LARP1B: variants seen among roughly 807,000 people sequenced by gnomAD.
LARP1B encodes la-related protein 1B.
Under a neutral mutation model 114.2 loss-of-function variants are expected in LARP1B, and 76 were observed. The observed-to-expected ratio is 0.67, with a 90% CI of 0.55 to 0.81. The LOEUF (loss-of-function observed/expected upper bound fraction) is 0.81, where lower values mean the gene tolerates loss of function less well. LARP1B is among the 30% of genes least tolerant of loss of function. LARP1B has a pLI of 0.00. For missense variants in LARP1B, 1,014 were observed against 1,075.8 expected (o/e 0.94, Z 0.80); for synonymous variants, 345 against 348.0 (o/e 0.99, Z 0.10).
chr4:128,072,784 T>C (rs1023121428), intron 1 of LARP1B, among the ~76,000 whole-genome samples: 6 of 152,152 alleles, frequency 3.9e-5, no homozygotes, highest in African/African-American at 1.4e-4. Flanking sequence ...CTTGAACTCC[T>C]GGCCTCAAGA....
At chr4:128,144,970 A>G (rs940679706) in intron 11 of LARP1B, among the ~76,000 whole-genome samples, 1 of 151,352 alleles carries the variant, frequency 6.6e-6, no homozygotes, top group African/African-American at 2.5e-5. Flanking sequence ...TACCTTGACT[A>G]TGGGTTACAT....
chr4:128,107,280 T>C lies in LARP1B; in HGVS notation c.955T>C (p.Phe319Leu). ...DFSQLIDCPE[F>L]VPGQAFCSHT... ...CTCTCAACTGATTGATTGTCCAGAGTTTGTACCAGGCCAAGCCTTTTGCTC... is the reference window on the plus strand; with the variant it reads ...CTCTCAACTGATTGATTGTCCAGAGCTTGTACCAGGCCAAGCCTTTTGCTC... The change falls in exon 9 of 20, where the codon TTT (phenylalanine) becomes CTT (leucine). Residue 319 changes from phenylalanine (F) to leucine (L), a missense_variant. Physicochemically the swap from Phe to Leu is conservative, Grantham distance 22. Coordinates refer to ENST00000326639, the MANE Select transcript of LARP1B (RefSeq NM_018078.4). 2 of 1,614,168 alleles carry C rather than the reference T, an allele frequency of 1.2e-6. No homozygotes were observed. The highest frequency in any genetic ancestry group is 1.7e-6 in the Non-Finnish European group (2 of 1,180,020).
chr4:128,094,380 C>G (rs1434483774), intron 7 of LARP1B, among the ~76,000 whole-genome samples: 1 of 150,080 alleles, frequency 6.7e-6, no homozygotes, highest in Non-Finnish European at 1.5e-5. Context: ...GAGGTTTTTT[C>G]CTTTTTTCTT....
At chr4:128,190,907 TG>T (rs1453126259) in intron 15 of LARP1B, among the ~76,000 whole-genome samples, 1 of 152,234 alleles carries the variant, frequency 6.6e-6, no homozygotes, top group African/African-American at 2.4e-5. Context: ...TACTACTCCT[TG>T]CTCTTAACTC....
chr4:128,212,960 C>T (rs532173690), downstream of LARP1B, among the ~76,000 whole-genome samples: 1 of 133,096 alleles, frequency 7.5e-6, no homozygotes, highest in Admixed American at 8.9e-5. Context: ...CTCTTGTTGC[C>T]CGGGCTGGAG....
intron 11 of LARP1B, among the ~76,000 whole-genome samples, chr4:128,142,006 A>G (rs1170967053): frequency 6.6e-6 from 1 of 152,192 alleles, no homozygotes; most frequent in East Asian, 1.9e-4. Flanking sequence ...TGCTGTACAC[A>G]TTTATCAGGA....
intron 7 of LARP1B, among the ~76,000 whole-genome samples, chr4:128,095,434 A>G (rs924401206): frequency 2.7e-5 from 4 of 146,734 alleles, no homozygotes; most frequent in African/African-American, 1.0e-4. Context: ...GGTCGCAGTG[A>G]GCCGAGATCA....
intron 5 of LARP1B, among the ~76,000 whole-genome samples, chr4:128,087,250 G>C (rs1240536432): frequency 6.6e-6 from 1 of 152,150 alleles, no homozygotes; most frequent in Non-Finnish European, 1.5e-5. Context: ...GGATTGCTCA[G>C]ATTTTCAGAA....
chr4:128,210,488 A>G lies in LARP1B; in HGVS notation c.*435A>G. 1.0e-6 allele frequency: 1 copy of G among 990,044 alleles called. No individual in the cohort carries two copies. Among genetic ancestry groups the G allele is most frequent in the African/African-American group, 1.7e-5 (1 of 57,380 alleles). 61.3% of individuals were successfully genotyped at this position (990,044 alleles called of 1,614,324 possible). A position where few individuals can be genotyped will look rare whatever the true frequency, so the allele number is the denominator to read the frequency against. On this transcript the variant is annotated 3_prime_UTR_variant, in exon 20 of 20. Transcript: ENST00000326639. ...CTTAGAGCTTTCTTAAAGAATCCACAATCCAATTACCCCACTGTCAATTCA... is the reference window on the plus strand; with the variant it reads ...CTTAGAGCTTTCTTAAAGAATCCACGATCCAATTACCCCACTGTCAATTCA...
intron 12 of LARP1B, among the ~76,000 whole-genome samples, chr4:128,169,390 T>A (rs1229965888): frequency 6.6e-6 from 1 of 152,032 alleles, no homozygotes; most frequent in African/African-American, 2.4e-5. Context: ...ATTTTAGGTG[T>A]TATTGTATTT....
rs1561166021 is a variant in LARP1B at position 128,092,816 on chromosome 4, G to C, written c.668+1304G>C. The C allele has an allele frequency of 1.1e-5, 11 of 985,420 alleles. No homozygotes were observed. The East Asian group carries it at 9.1e-4, about 81-fold the overall frequency. The allele number at this position is 985,420 out of a possible 1,614,324, so 61.0% of individuals were successfully genotyped here. On this transcript the variant is annotated intron_variant, in intron 7 of 19. Coordinates refer to ENST00000326639, the MANE Select transcript of LARP1B (RefSeq NM_018078.4). ...GAAGAAAAGGGCCTTTTTGTGGGCA[G>C]AAAGTGCTTGACATGTGGCTGTCAA...
At chr4:128,102,756 C>T (rs1002672499) in intron 8 of LARP1B, among the ~76,000 whole-genome samples, 1 of 152,074 alleles carries the variant, frequency 6.6e-6, no homozygotes, top group Non-Finnish European at 1.5e-5. Context: ...AAGCAATTAA[C>T]GTAATATCTT....
intron 1 of LARP1B, chr4:128,061,960 G>A: frequency 1.0e-6 from 1 of 985,190 alleles, no homozygotes; most frequent in Non-Finnish European, 1.2e-6. Flanking sequence ...CGCTGCACCT[G>A]GCGCACAAGG....
At chr4:128,074,734 G>A (rs1256965853) in intron 2 of LARP1B, among the ~76,000 whole-genome samples, 200 bp from the exon 3 acceptor site, 2 of 152,290 alleles carry the variant, frequency 1.3e-5, no homozygotes, top group East Asian at 3.9e-4. Context: ...AGTGGTGAAA[G>A]TTTTATCATA....
At chr4:128,115,074 A>C (rs1035299206) in intron 10 of LARP1B, among the ~76,000 whole-genome samples, 4 of 151,686 alleles carry the variant, frequency 2.6e-5, no homozygotes, top group South Asian at 2.1e-4. Context: ...AGTAGCTGGG[A>C]TTATAGGCGC....
At chr4:128,195,943 A>C (rs558644426) in intron 15 of LARP1B, among the ~76,000 whole-genome samples, 1 of 152,170 alleles carries the variant, frequency 6.6e-6, no homozygotes, top group Non-Finnish European at 1.5e-5. Flanking sequence ...TTGACCTTAC[A>C]GAGATAAAAA....
chr4:128,156,367 C>T (rs552184837), intron 11 of LARP1B, among the ~76,000 whole-genome samples: 1 of 152,296 alleles, frequency 6.6e-6, no homozygotes, highest in Admixed American at 6.5e-5. Context: ...GTAGAGCCAG[C>T]TTGGGGCCAC....
rs369445192 is a variant in LARP1B at position 128,127,294 on chromosome 4, A to T, written c.1524+5106A>T. On this transcript the variant is annotated intron_variant, in intron 11 of 19. Transcript: ENST00000326639. ...AGTAATAAATACATGAATAAACCTA[A>T]GTGAATATTAACTGTATAAAGCAAT... 3.3e-5 allele frequency among the ~76,000 whole-genome samples: 5 copies of T among 152,342 alleles called. No individual in the cohort carries two copies. The East Asian group carries it at 9.6e-4, about 29-fold the overall frequency.
intron 12 of LARP1B, among the ~76,000 whole-genome samples, chr4:128,173,810 G>A (rs1744827343): frequency 6.6e-6 from 1 of 152,084 alleles, no homozygotes; most frequent in African/African-American, 2.4e-5. Context: ...CCCTTTTTAA[G>A]TGTATCATTT....
Sources: gnomAD v4.1 joint callset for allele counts (sites outside exome capture counted in the v4.1 genomes callset) on GRCh38, gnomAD v4.1.1 for gene constraint, MANE v1.5 for transcripts, NCBI Gene and HGNC (gene_info 2026-07-23, HGNC 2026-07-21) for gene names.